Variants in MEIOB observed in about 807,000 individuals in gnomAD.
MEIOB encodes the protein meiosis-specific with OB domain-containing protein.
A neutral mutation model predicts 53.1 loss-of-function variants in MEIOB; 50 were observed. That is an observed-to-expected ratio of 0.94 (90% CI 0.75 to 1.19). The LOEUF is 1.19. MEIOB is among the 50% of genes most tolerant of loss of function. The pLI is 0.00. For synonymous variants in MEIOB, 192 were observed against 182.5 expected (o/e 1.05, Z -0.42); for missense variants, 551 against 550.8 (o/e 1.00, Z 0.00).
chr16:1,847,597 G>A (rs1471823882), intron 9 of MEIOB, among the ~76,000 whole-genome samples: 1 of 150,918 alleles, frequency 6.6e-6, no homozygotes, highest in East Asian at 2.0e-4. Context: ...GAAGAAAAGA[G>A]AAGAGGGGAG....
At chr16:1,863,718 CCT>C (rs1899515662) in intron 3 of MEIOB, among the ~76,000 whole-genome samples, 1 of 116,086 alleles carries the variant, frequency 8.6e-6, no homozygotes, top group Non-Finnish European at 1.8e-5. Flanking sequence ...AGAGTGAGAC[CCT>C]GTCTCAAAAA....
intron 2 of MEIOB, among the ~76,000 whole-genome samples, chr16:1,866,727 TAAAAATAAAAAAAA>T (rs1382245654): frequency 4.4e-4 from 2 of 4,556 alleles, no homozygotes; most frequent in East Asian, 0.011. Flanking sequence ...TCGCAAAAAA[TAAAAATAAAAAAAA>T]AATAATAAAA....
intron 11 of MEIOB, among the ~76,000 whole-genome samples, chr16:1,840,389 AAC>A (rs1042859221): frequency 3.9e-5 from 6 of 152,064 alleles, no homozygotes; most frequent in Non-Finnish European, 7.4e-5. Flanking sequence ...AACTAATGAG[AAC>A]ACACACACAC....
chr16:1,849,889 CAT>C lies in MEIOB; in HGVS notation c.778+3148_778+3149del, dbSNP rs1187807217. Among the ~76,000 whole-genome samples, 15 of 152,246 alleles carry C rather than the reference CAT, an allele frequency of 9.9e-5. No individual in the cohort carries two copies. The East Asian group carries it at 1.2e-3, about 12-fold the overall frequency. ...AAAATGATAAGTATGTGAAGTAGCACATATGTTAATTAGCTTGATTTAGCCAT... is the reference window on the plus strand; with the variant it reads ...AAAATGATAAGTATGTGAAGTAGCACATGTTAATTAGCTTGATTTAGCCAT... On this transcript the variant is annotated intron_variant, in intron 9 of 13. Transcript: ENST00000325962.
chr16:1,863,174 G>A (rs146940261), intron 3 of MEIOB, among the ~76,000 whole-genome samples: 7 of 152,038 alleles, frequency 4.6e-5, no homozygotes, highest in Middle Eastern at 3.4e-3. Flanking sequence ...AGCTTTGAAT[G>A]CACCACTGCA....
intron 2 of MEIOB, among the ~76,000 whole-genome samples, chr16:1,867,743 A>T (rs939023283): frequency 3.3e-5 from 5 of 152,152 alleles, no homozygotes; most frequent in African/African-American, 1.2e-4. Context: ...AAGTGCTGGG[A>T]TTACAGACAT....
intron 4 of MEIOB, among the ~76,000 whole-genome samples, chr16:1,861,522 C>G (rs1250098727): frequency 1.3e-5 from 2 of 150,712 alleles, no homozygotes; most frequent in Non-Finnish European, 2.9e-5. Context: ...TTCTGAATGC[C>G]TCGCATTGCA....
chr16:1,843,741 A>G (rs1300878768), intron 10 of MEIOB, among the ~76,000 whole-genome samples: 2 of 152,138 alleles, frequency 1.3e-5, no homozygotes, highest in African/African-American at 4.8e-5. Context: ...CTAACATTTA[A>G]AAGAGTAATA....
chr16:1,856,983 T>G (rs772524468), intron 6 of MEIOB, among the ~76,000 whole-genome samples: 1 of 152,082 alleles, frequency 6.6e-6, no homozygotes, highest in African/African-American at 2.4e-5. Flanking sequence ...CAGGCTGGTC[T>G]TGAACTGGGC....
In MEIOB at chr16:1,856,322, A is replaced by AT. The variant is rs35565179; in HGVS notation, c.528+1412dup. Reference sequence around the variant, plus strand: ...AGGAACCTGTCACCATGCCCAGCTAATTTTTTTTTTTTTTTGAGTCGGAGT... The same window carrying AT: ...AGGAACCTGTCACCATGCCCAGCTAATTTTTTTTTTTTTTTTGAGTCGGAGT... On this transcript the variant is annotated intron_variant, in intron 6 of 13. Coordinates refer to ENST00000325962, the MANE Select transcript of MEIOB (RefSeq NM_001163560.3). Among the ~76,000 whole-genome samples the AT allele has an allele frequency of 5.7e-3, 835 of 147,336 alleles. 5 individuals carry two copies. Among genetic ancestry groups the AT allele is most frequent in the African/African-American group, 0.019 (771 of 39,874 alleles).
chr16:1,864,792 C>A (rs1240990509), intron 3 of MEIOB, among the ~76,000 whole-genome samples: 2 of 152,032 alleles, frequency 1.3e-5, no homozygotes, highest in African/African-American at 4.8e-5. Context: ...TGGCAAAAAA[C>A]CGTGTATTTC....
At chr16:1,864,785 C>T (rs2437738) in intron 3 of MEIOB, among the ~76,000 whole-genome samples, 125,225 of 151,730 alleles carry the variant, frequency 0.83, 51,785 homozygotes, top group Middle Eastern at 0.9. Context: ...CTGTGCCTGG[C>T]AAAAAACCGT....
chr16:1,841,842 T>C lies in MEIOB; in HGVS notation c.1012A>G (p.Thr338Ala), dbSNP rs138046004. ...ISTLNIDDETTKVVRNRCSSC... is the reference protein window; with the variant it reads ...ISTLNIDDETAKVVRNRCSSC... ...TACCATCTATTTCGAACTACTTTTG[T>C]AGTTTCATCATCAATGTTGAGTGTG... The change falls in exon 11 of 14, where the codon ACA (threonine) becomes GCA (alanine). Residue 338 changes from threonine (T) to alanine (A), a missense_variant. Thr to Ala is a moderately conservative substitution (Grantham distance 58, BLOSUM62 0). Transcript: ENST00000325962. 4 of 1,586,814 alleles carry C rather than the reference T, an allele frequency of 2.5e-6. No homozygotes were observed. The highest frequency in any genetic ancestry group is 3.4e-6 in the Non-Finnish European group (4 of 1,168,476).
intron 9 of MEIOB, 88 bp downstream of exon 9, chr16:1,852,951 T>C: frequency 1.2e-6 from 1 of 829,500 alleles, no homozygotes; most frequent in South Asian, 2.0e-5. Context: ...AAATCCAGGC[T>C]GAATTTTCAT....
At position 1,834,332 on chromosome 16, in the gene MEIOB, T is replaced by C; in HGVS notation, c.1340A>G (p.Lys447Arg). 1 of 1,612,128 alleles carries C rather than the reference T, an allele frequency of 6.2e-7. No individual in the cohort carries two copies. The highest frequency in any genetic ancestry group is 1.3e-5 in the African/African-American group (1 of 75,004). The change falls in exon 14 of 14, where the codon AAA (lysine) becomes AGA (arginine). Residue 447 changes from lysine to arginine, a missense_variant. Transcript: ENST00000325962. ...VLSHRARSGL[K>R]ISVLSCKLAD... ...AAGCTTGCACGAGAGTACACTAATTTTCAATCCACTCCTTGCTCTGTGTGA... is the reference window on the plus strand; with the variant it reads ...AAGCTTGCACGAGAGTACACTAATTCTCAATCCACTCCTTGCTCTGTGTGA...
At chr16:1,850,868 C>G (rs1282921415) in intron 9 of MEIOB, among the ~76,000 whole-genome samples, 1 of 151,876 alleles carries the variant, frequency 6.6e-6, no homozygotes. Context: ...TTGCAGTGAG[C>G]CGAGATCACG....
chr16:1,837,159 C>A (rs1323683043), intron 13 of MEIOB, among the ~76,000 whole-genome samples: 3 of 152,108 alleles, frequency 2.0e-5, no homozygotes, highest in African/African-American at 7.2e-5. Context: ...AACTGTGGCC[C>A]TTCAGGGTTG....
rs1191993049 is a variant in MEIOB at position 1,834,303 on chromosome 16, C to G, written c.1369G>C (p.Asp457His). 3.1e-6 allele frequency: 5 copies of G among 1,613,188 alleles called. No individual in the cohort carries two copies. Among genetic ancestry groups the G allele is most frequent in the Non-Finnish European group, 4.2e-6 (5 of 1,179,396 alleles). ...KISVLSCKLA[D>H]PTEASRNLSG... ...AAGTTTCTGCTTGCCTCAGTAGGATCTGCAAGCTTGCACGAGAGTACACTA... is the reference window on the plus strand; with the variant it reads ...AAGTTTCTGCTTGCCTCAGTAGGATGTGCAAGCTTGCACGAGAGTACACTA... The change falls in exon 14 of 14, where the codon GAT becomes CAT. Residue 457 changes from aspartate (D) to histidine (H), a missense_variant. Physicochemically the swap from Asp to His is moderately conservative, Grantham distance 81. Coordinates refer to ENST00000325962, the MANE Select transcript of MEIOB (RefSeq NM_001163560.3).
At chr16:1,871,489 G>A (rs1196090291) in intron 1 of MEIOB, among the ~76,000 whole-genome samples, 1 of 136,364 alleles carries the variant, frequency 7.3e-6, no homozygotes, top group East Asian at 2.2e-4. Context: ...AAAGTGCTGG[G>A]ATTACAGGCT....
Sources: gnomAD v4.1 joint callset for allele counts (sites outside exome capture counted in the v4.1 genomes callset) on GRCh38, gnomAD v4.1.1 for gene constraint, MANE v1.5 for transcripts, NCBI Gene and HGNC (gene_info 2026-07-23, HGNC 2026-07-21) for gene names.